Variants in HERC2 observed in about 807,000 individuals in gnomAD.
HERC2 encodes HECT and RLD domain containing E3 ubiquitin protein ligase 2, also known as E3 ubiquitin-protein ligase HERC2.
HERC2 carries 102 observed loss-of-function variants against 537.7 expected under a neutral mutation model. The ratio of observed to expected loss-of-function variants is 0.19; its 90% CI spans 0.16 to 0.22. The LOEUF is 0.22. Among genes scored for constraint, HERC2 ranks in the 10% least tolerant of loss-of-function variants. The pLI is 1.00. For missense variants in HERC2, 4,236 were observed against 6,198.2 expected (o/e 0.68, Z 10.63); for synonymous variants, 2,224 against 2,466.2 (o/e 0.90, Z 2.91).
Position 28,113,918 on chromosome 15 carries a change from C to T in HERC2, c.13914-240G>A, listed in dbSNP as rs899060010. Among the ~76,000 whole-genome samples the T allele has an allele frequency of 1.3e-5, 2 of 152,184 alleles. No individual in the cohort carries two copies. Among genetic ancestry groups the T allele is most frequent in the Admixed American group, 1.3e-4 (2 of 15,288 alleles). Reference sequence around the variant, plus strand: ...TAATGACCACCTACAGCTATGCACACCCCAAGACGCCACTCTCAGTACCCA... The same window carrying T: ...TAATGACCACCTACAGCTATGCACATCCCAAGACGCCACTCTCAGTACCCA... On this transcript the variant is annotated intron_variant, in intron 90 of 92. Coordinates refer to ENST00000261609, the MANE Select transcript of HERC2 (RefSeq NM_004667.6). This position sits in a 1 kb window ranked among gnomAD's most constrained non-coding sequence, Gnocchi z 7.0.
chr15:28,250,571 G>A (rs1256520922), intron 20 of HERC2, among the ~76,000 whole-genome samples: 2 of 152,278 alleles, frequency 1.3e-5, no homozygotes, highest in Middle Eastern at 3.4e-3. Context: ...GGTATTCTGT[G>A]GCTCCTCGCC....
intron 20 of HERC2, among the ~76,000 whole-genome samples, chr15:28,252,533 T>C (rs139926094): frequency 1.9e-3 from 287 of 152,334 alleles, no homozygotes; most frequent in East Asian, 8.5e-3. Flanking sequence ...CATGTTCTCA[T>C]TGATTCTTAA....
At chr15:28,309,003 T>G (rs1209479966) in intron 2 of HERC2, among the ~76,000 whole-genome samples, 1 of 152,264 alleles carries the variant, frequency 6.6e-6, no homozygotes, top group Non-Finnish European at 1.5e-5. Flanking sequence ...GCCTGTAGTA[T>G]TCTTTCTTTG....
At chr15:28,317,850 T>C (rs1440152399) in intron 2 of HERC2, among the ~76,000 whole-genome samples, 1 of 152,236 alleles carries the variant, frequency 6.6e-6, no homozygotes, top group East Asian at 1.9e-4. Context: ...TATGCGCAAA[T>C]ATACAGTGAC....
intron 12 of HERC2, among the ~76,000 whole-genome samples, chr15:28,266,423 G>A (rs2075569296): frequency 6.6e-6 from 1 of 152,126 alleles, no homozygotes; most frequent in South Asian, 2.1e-4. Context: ...GCTGAGGCAG[G>A]AGAATCGCTT....
chr15:28,230,438 C>T lies in HERC2; in HGVS notation c.4738G>A (p.Glu1580Lys), dbSNP rs1251940940. 3 of 1,430,876 alleles carry T rather than the reference C, an allele frequency of 2.1e-6. No homozygotes were observed. Among genetic ancestry groups the T allele is most frequent in the Non-Finnish European group, 2.9e-6 (3 of 1,030,424 alleles). 88.6% of individuals were successfully genotyped at this position (1,430,876 alleles called of 1,614,324 possible). Residue 1580 changes from glutamate (E) to lysine (K), a missense_variant, in exon 31 of 93, where the codon GAA (glutamate) becomes AAA (lysine). This residue lies in a region of HERC2 where 343 missense variants were observed against 417.2 expected (regional missense o/e 0.82). Coordinates refer to ENST00000261609, the MANE Select transcript of HERC2 (RefSeq NM_004667.6). ...EKIGNEESDL[E>K]EACILPHSPI... ...CTATGAGGCAAAATGCAAGCTTCTT[C>T]TAAATCACTCTCTTCGTTTCCAATT...
intron 2 of HERC2, chr15:28,316,096 A>G (rs2077075147): frequency 3.1e-6 from 1 of 326,174 alleles, no homozygotes; most frequent in African/African-American, 2.2e-5. Flanking sequence ...GGTGGTGCAC[A>G]CTTGGAATTC....
chr15:28,247,941 C>G (rs979075560), intron 21 of HERC2, among the ~76,000 whole-genome samples: 2 of 152,186 alleles, frequency 1.3e-5, no homozygotes, highest in African/African-American at 4.8e-5. Flanking sequence ...ACAGAGAAAG[C>G]CTCATGATGG....
In HERC2 at chr15:28,141,513, G is replaced by C; in HGVS notation, c.11934C>G (p.Pro3978=). 1 of 1,614,118 alleles carries C rather than the reference G, an allele frequency of 6.2e-7. No individual in the cohort carries two copies. Among genetic ancestry groups the C allele is most frequent in the Non-Finnish European group, 8.5e-7 (1 of 1,180,016 alleles). ...GTCTGAGAGTTGCAAGGGCTTCACA[G>C]GGAGTGGGAACTTTGACTTTTGCGC... ...IEGAKVKVPT[P]CEALATLRPV... The change falls in exon 78 of 93, where the codon CCC becomes CCG. Residue 3978 remains proline, a synonymous_variant. Transcript: ENST00000261609.
At chr15:28,280,437 A>C in intron 4 of HERC2, 150 bp from the exon 5 acceptor site, 1 of 636,070 alleles carries the variant, frequency 1.6e-6, no homozygotes, top group Non-Finnish European at 2.7e-6. Context: ...ACATGAGCTC[A>C]GGCAACCCTC....
chr15:28,285,069 G>GA (rs1214937596), intron 4 of HERC2, among the ~76,000 whole-genome samples: 1 of 151,436 alleles, frequency 6.6e-6, no homozygotes, highest in Non-Finnish European at 1.5e-5. Flanking sequence ...GAATAGAACT[G>GA]AAAGGAGAAA....
intron 28 of HERC2, 35 bp downstream of exon 28, chr15:28,233,629 G>C (rs746048238): frequency 5.6e-6 from 9 of 1,613,576 alleles, no homozygotes; most frequent in Non-Finnish European, 7.6e-6. Context: ...GGAATCTGCA[G>C]TGTACCTAAA....
intron 37 of HERC2, among the ~76,000 whole-genome samples, 171 bp from the exon 38 acceptor site, chr15:28,218,842 C>A (rs1328091969): frequency 1.3e-5 from 2 of 151,956 alleles, no homozygotes; most frequent in Non-Finnish European, 2.9e-5. Flanking sequence ...TTTTTGTGTT[C>A]TTTTTTCCTT....
intron 2 of HERC2, among the ~76,000 whole-genome samples, chr15:28,308,782 C>T (rs2076861486): frequency 6.6e-6 from 1 of 152,206 alleles, no homozygotes; most frequent in Non-Finnish European, 1.5e-5. Flanking sequence ...TATCAAATGC[C>T]TTTTCAGCAT....
At position 28,130,598 on chromosome 15, in the gene HERC2, G is replaced by A. The variant is rs1890005577; in HGVS notation, c.12571-4C>T. 6.2e-7 allele frequency: 1 copy of A among 1,608,054 alleles called. No individual in the cohort carries two copies. The highest frequency in any genetic ancestry group is 1.7e-4 in the Middle Eastern group (1 of 6,058). ...CAAGACCAGTAAGAGAATCAATCTA[G>A]AGGGGGAAAAGGTTCAATTAGACAG... is the stretch of plus-strand genomic sequence containing the variant. On this transcript the variant is annotated splice_region_variant and splice_polypyrimidine_tract_variant and intron_variant, in intron 81 of 92. Coordinates refer to ENST00000261609, the MANE Select transcript of HERC2 (RefSeq NM_004667.6).
intron 86 of HERC2, among the ~76,000 whole-genome samples, chr15:28,118,666 G>A (rs1343065844): frequency 6.6e-6 from 1 of 152,174 alleles, no homozygotes; most frequent in Admixed American, 6.5e-5. Flanking sequence ...CTCTTGGGAG[G>A]CGTGTCCCTG....
chr15:28,182,618 T>C (rs1042487023), intron 56 of HERC2, 106 bp from the exon 57 acceptor site: 5 of 851,608 alleles, frequency 5.9e-6, no homozygotes, highest in Non-Finnish European at 8.9e-6. Flanking sequence ...GTTTTATGGT[T>C]ACTTTCAGAA....
chr15:28,305,868 G>A (rs1484574386), intron 2 of HERC2, among the ~76,000 whole-genome samples: 1 of 151,732 alleles, frequency 6.6e-6, no homozygotes, highest in African/African-American at 2.4e-5. Flanking sequence ...AGTGGGCGAA[G>A]GACATGAACA....
At chr15:28,132,900 C>CGGCAA in intron 79 of HERC2, 70 bp from the exon 80 acceptor site, 4 of 1,238,022 alleles carry the variant, frequency 3.2e-6, no homozygotes, top group South Asian at 1.7e-5. Context: ...GTATTAAATA[C>CGGCAA]CTCTCAATCT....
Sources: gnomAD v4.1 joint callset for allele counts (sites outside exome capture counted in the v4.1 genomes callset) on GRCh38, gnomAD v4.1.1 for gene constraint, gnomAD v4.1.1 regional missense constraint, Gnocchi (gnomAD v3.1) non-coding constraint, MANE v1.5 for transcripts, NCBI Gene and HGNC (gene_info 2026-07-23, HGNC 2026-07-21) for gene names.